PXK: variants seen among roughly 807,000 people sequenced by gnomAD.
PXK encodes PX domain-containing protein kinase-like protein.
PXK carries 35 observed loss-of-function variants against 84.7 expected under a neutral mutation model. The ratio of observed to expected loss-of-function variants is 0.41; its 90% CI spans 0.32 to 0.55. PXK has a LOEUF of 0.55. Among genes scored for constraint, PXK ranks in the 20% least tolerant of loss-of-function variants. The probability of loss-of-function intolerance (pLI) is 0.21; values close to 1 mark genes in which losing one functional copy is unlikely to be tolerated. For missense variants in PXK, 634 were observed against 699.7 expected, an observed-to-expected ratio of 0.91 and a Z score of 1.06; for synonymous variants, 253 against 260.8, an observed-to-expected ratio of 0.97 and a Z score of 0.29.
chr3:58,351,316 T>G (rs897883709), intron 1 of PXK, among the ~76,000 whole-genome samples: 5 of 152,032 alleles, frequency 3.3e-5, no homozygotes, highest in Admixed American at 6.6e-5. Flanking sequence ...TAAATGATCC[T>G]TCTTGGGCTT....
At position 58,416,778 on chromosome 3, in the gene PXK, G is replaced by A. The variant is rs1335996713; in HGVS notation, c.1528+3815G>A. On this transcript the variant is annotated intron_variant, in intron 17 of 17. Transcript: ENST00000356151. This position sits in a 1 kb window ranked among gnomAD's most constrained non-coding sequence, Gnocchi z 4.8. ...TGGGATTATAGGCACTCACCACCACGCTTGGCTAATATTTTTGTATTTTTG... is the reference window on the plus strand; with the variant it reads ...TGGGATTATAGGCACTCACCACCACACTTGGCTAATATTTTTGTATTTTTG... 6.6e-6 allele frequency among the ~76,000 whole-genome samples: 1 copy of A among 151,880 alleles called. No homozygotes were observed. The highest frequency in any genetic ancestry group is 1.5e-5 in the Non-Finnish European group (1 of 67,976).
chr3:58,339,183 G>A (rs1575644639), intron 1 of PXK, among the ~76,000 whole-genome samples: 1 of 150,860 alleles, frequency 6.6e-6, no homozygotes, highest in Non-Finnish European at 1.5e-5. Context: ...TATTGAAGAC[G>A]TTGGTTTTTT....
chr3:58,340,006 C>T (rs1023073466), intron 1 of PXK, among the ~76,000 whole-genome samples: 4 of 151,542 alleles, frequency 2.6e-5, no homozygotes, highest in Non-Finnish European at 4.4e-5. Flanking sequence ...TTAGTAGAGA[C>T]GGGGTTTCAC....
At chr3:58,347,048 C>T (rs1220816805) in intron 1 of PXK, among the ~76,000 whole-genome samples, 1 of 152,116 alleles carries the variant, frequency 6.6e-6, no homozygotes, top group Non-Finnish European at 1.5e-5. Flanking sequence ...ACCATGTTGG[C>T]CAGGGTGATC....
chr3:58,391,631 A>G (rs1234391649), intron 6 of PXK, 142 bp from the exon 7 acceptor site: 4 of 733,734 alleles, frequency 5.5e-6, no homozygotes, highest in Non-Finnish European at 7.1e-6. Context: ...TTCTCCAGAA[A>G]GGTCTTGAGG....
chr3:58,395,070 G>T lies in PXK; in HGVS notation c.688G>T (p.Glu230Ter), dbSNP rs371239729. ...SSALLIRMFN[E>*]KGTLKDLIYK... ...AGCGTTGCTAATTAGGATGTTTAAC[G>T]AAAAGGGAACATTGAAGGATCTGAT... The change falls in exon 8 of 18, where the codon GAA (glutamate) becomes TAA (stop). Residue 230 changes from glutamate (E) to a stop codon, truncating the protein, a stop_gained. Coordinates refer to ENST00000356151, the MANE Select transcript of PXK (RefSeq NM_017771.5). LOFTEE classifies it high-confidence loss of function. 6.2e-7 allele frequency: 1 copy of T among 1,613,008 alleles called. No individual in the cohort carries two copies. The highest frequency in any genetic ancestry group is 8.5e-7 in the Non-Finnish European group (1 of 1,179,030).
rs1402072734 is a variant in PXK, at chr3:58,383,199, G to C, written c.388+499G>C. 6.6e-6 allele frequency among the ~76,000 whole-genome samples: 1 copy of C among 152,196 alleles called. No individual in the cohort carries two copies. Among genetic ancestry groups the C allele is most frequent in the African/African-American group, 2.4e-5 (1 of 41,436 alleles). On this transcript the variant is annotated intron_variant, in intron 4 of 17. Coordinates refer to ENST00000356151, the MANE Select transcript of PXK (RefSeq NM_017771.5). This position sits in a 1 kb window ranked among gnomAD's most constrained non-coding sequence, Gnocchi z 4.0. The stretch of plus-strand genomic sequence containing the variant: ...CCTAGCTACTCGGGAGGCTGAGGCA[G>C]GAGAATCGCTTGAACCCGGGAGGTG...
intron 1 of PXK, among the ~76,000 whole-genome samples, chr3:58,352,655 A>G (rs2097956969): frequency 6.6e-6 from 1 of 152,116 alleles, no homozygotes; most frequent in African/African-American, 2.4e-5. Flanking sequence ...CGTGGGTGTC[A>G]TTTAAGGGTC....
intron 1 of PXK, among the ~76,000 whole-genome samples, chr3:58,361,472 T>C (rs1343793692): frequency 7.9e-5 from 12 of 152,190 alleles, no homozygotes; most frequent in Admixed American, 7.9e-4. Context: ...TTTGCCCTTC[T>C]GTAGCTACAC....
chr3:58,397,687 T>C lies in PXK; in HGVS notation c.1067T>C (p.Val356Ala). Reference sequence around the variant, plus strand: ...GGACGACCGCCAGACTCGGTGCCTGTGGACTCCTTCCCTCCTGCCCCGTCC... The same window carrying C: ...GGACGACCGCCAGACTCGGTGCCTGCGGACTCCTTCCCTCCTGCCCCGTCC... Reference protein sequence around the residue: ...TYGRPPDSVPVDSFPPAPSMA... With the variant: ...TYGRPPDSVPADSFPPAPSMA... Residue 356 changes from valine to alanine, a missense_variant, in exon 11 of 18, where the codon GTG becomes GCG. Transcript: ENST00000356151. The surrounding 1 kb of genome is among the most constrained non-coding windows in gnomAD (Gnocchi z 4.7). The C allele has an allele frequency of 6.2e-7, 1 of 1,614,040 alleles. No individual in the cohort carries two copies. Among genetic ancestry groups the C allele is most frequent in the Admixed American group, 1.7e-5 (1 of 60,016 alleles).
chr3:58,396,915 C>A (rs1463297324), intron 9 of PXK, 124 bp from the exon 10 acceptor site: 12 of 1,044,052 alleles, frequency 1.1e-5, no homozygotes, highest in Admixed American at 5.3e-5. Context: ...CATTTTTCTT[C>A]AGGAATCTTC....
Position 58,417,343 on chromosome 3 carries a change from C to T in PXK, c.1528+4380C>T, listed in dbSNP as rs995332333. Among the ~76,000 whole-genome samples the T allele has an allele frequency of 3.3e-5, 5 of 152,184 alleles. No individual in the cohort carries two copies. In the East Asian group the frequency reaches 5.8e-4, roughly 18 times the overall value. Reference sequence around the variant, plus strand: ...AATTCAGCAGCAGTGCCTTTCTTTCCGAAAGCATCGGTTGTAAGCACATTT... The same window carrying T: ...AATTCAGCAGCAGTGCCTTTCTTTCTGAAAGCATCGGTTGTAAGCACATTT... On this transcript the variant is annotated intron_variant, in intron 17 of 17. Coordinates refer to ENST00000356151, the MANE Select transcript of PXK (RefSeq NM_017771.5).
chr3:58,351,396 TGTG>T (rs2097921198), intron 1 of PXK, among the ~76,000 whole-genome samples: 1 of 16,946 alleles, frequency 5.9e-5, no homozygotes, highest in Non-Finnish European at 1.8e-4. Context: ...GCTAGCTATT[TGTG>T]TGTGTGTGTG....
chr3:58,395,609 T>C, intron 8 of PXK, 49 bp from the exon 9 acceptor site: 1 of 1,403,076 alleles, frequency 7.1e-7, no homozygotes, highest in East Asian at 2.3e-5. Context: ...TGTGTGCAGA[T>C]ATTGGCCCCT....
intron 17 of PXK, among the ~76,000 whole-genome samples, chr3:58,417,322 C>T (rs1243325504): frequency 6.6e-6 from 1 of 152,232 alleles, no homozygotes; most frequent in African/African-American, 2.4e-5. Context: ...AAGTTGAATT[C>T]AGCAGCAGTG....
chr3:58,395,543 A>G, intron 8 of PXK, 115 bp from the exon 9 acceptor site: 1 of 735,804 alleles, frequency 1.4e-6, no homozygotes, highest in South Asian at 1.8e-5. Context: ...CACATCTTGC[A>G]GCTGGCCATC....
chr3:58,369,759 G>C (rs1317477853), intron 3 of PXK, among the ~76,000 whole-genome samples: 1 of 151,624 alleles, frequency 6.6e-6, no homozygotes, highest in African/African-American at 2.4e-5. Flanking sequence ...GGGAAGCGGA[G>C]GTTGTGGTGA....
At chr3:58,335,644 A>T (rs2107614871) in intron 1 of PXK, among the ~76,000 whole-genome samples, 1 of 146,032 alleles carries the variant, frequency 6.8e-6, no homozygotes, top group South Asian at 2.1e-4. Context: ...CTGAATCTCT[A>T]GGAAGTTACT....
chr3:58,357,506 G>C (rs577886746), intron 1 of PXK, among the ~76,000 whole-genome samples: 1 of 152,208 alleles, frequency 6.6e-6, no homozygotes, highest in East Asian at 1.9e-4. Flanking sequence ...CTAAGTAGAA[G>C]GAGTATACTC....
Sources: gnomAD v4.1 joint callset for allele counts (sites outside exome capture counted in the v4.1 genomes callset) on GRCh38, gnomAD v4.1.1 for gene constraint, Gnocchi (gnomAD v3.1) non-coding constraint, MANE v1.5 for transcripts, NCBI Gene and HGNC (gene_info 2026-07-23, HGNC 2026-07-21) for gene names.